The following NT5DC1 variants were observed in gnomAD, a reference collection of about 807,000 sequenced individuals.
The protein encoded by NT5DC1 is 5'-nucleotidase domain containing 1.
A neutral mutation model predicts 59.4 loss-of-function variants in NT5DC1; 42 were observed. The ratio of observed to expected loss-of-function variants is 0.71; its 90% CI spans 0.55 to 0.92. The LOEUF is 0.92. Ranked by LOEUF, NT5DC1 falls within the 40% of genes least tolerant of loss-of-function variation. NT5DC1 has a pLI of 0.00. For synonymous variants in NT5DC1, 172 were observed against 188.1 expected (o/e 0.91, Z 0.70); for missense variants, 501 against 537.1 (o/e 0.93, Z 0.66).
chr6:116,220,565 A>T (rs1032044589), intron 6 of NT5DC1, among the ~76,000 whole-genome samples: 1 of 152,222 alleles, frequency 6.6e-6, no homozygotes, highest in African/African-American at 2.4e-5. Flanking sequence ...CCTAGTATAG[A>T]TTCCATCTGA....
At chr6:116,154,637 G>T (rs1385949900) in intron 6 of NT5DC1, among the ~76,000 whole-genome samples, 1 of 149,410 alleles carries the variant, frequency 6.7e-6, no homozygotes, top group Non-Finnish European at 1.5e-5. Context: ...TGTTTATTTG[G>T]TAAACTTACA....
chr6:116,151,168 G>A (rs1350575984), intron 6 of NT5DC1, among the ~76,000 whole-genome samples: 1 of 152,038 alleles, frequency 6.6e-6, no homozygotes, highest in Non-Finnish European at 1.5e-5. Flanking sequence ...CAGCTATCTA[G>A]CCCATATTCC....
chr6:116,229,738 G>C (rs1010584190), intron 8 of NT5DC1, among the ~76,000 whole-genome samples: 10 of 152,116 alleles, frequency 6.6e-5, no homozygotes, highest in African/African-American at 2.2e-4. Context: ...TGCTAGCTCA[G>C]TTCCTGCCCC....
At chr6:116,240,504 C>G (rs928949862) in intron 11 of NT5DC1, among the ~76,000 whole-genome samples, 18 of 151,944 alleles carry the variant, frequency 1.2e-4, no homozygotes, top group Non-Finnish European at 8.8e-5. Flanking sequence ...CACAGGGGTC[C>G]CCTGCAGTTA....
chr6:116,164,345 CTTT>C (rs1780415244), intron 6 of NT5DC1, among the ~76,000 whole-genome samples: 1 of 152,066 alleles, frequency 6.6e-6, no homozygotes, highest in African/African-American at 2.4e-5. Flanking sequence ...TCATACCCTT[CTTT>C]GTCTTTTTTT....
chr6:116,206,105 A>G (rs1461000912), intron 6 of NT5DC1, among the ~76,000 whole-genome samples: 1 of 151,942 alleles, frequency 6.6e-6, no homozygotes, highest in Admixed American at 6.6e-5. Context: ...TTTTCATAGC[A>G]TATGTTTCAA....
intron 6 of NT5DC1, among the ~76,000 whole-genome samples, chr6:116,213,939 C>G (rs1369386031): frequency 1.3e-5 from 2 of 152,086 alleles, no homozygotes; most frequent in African/African-American, 4.8e-5. Context: ...TGGGATATCT[C>G]TGTGTTGCCT....
intron 6 of NT5DC1, among the ~76,000 whole-genome samples, chr6:116,159,682 A>G (rs1780283651): frequency 6.6e-6 from 1 of 152,330 alleles, no homozygotes; most frequent in African/African-American, 2.4e-5. Flanking sequence ...TAACGTGGGT[A>G]TATTGCATAA....
Position 116,178,086 on chromosome 6 carries a change from T to C in NT5DC1, c.530-42968T>C, listed in dbSNP as rs1340622821. Among the ~76,000 whole-genome samples the C allele has an allele frequency of 3.8e-3, 293 of 77,576 alleles. 2 individuals are homozygous for C. The highest frequency in any genetic ancestry group is 0.016 in the African/African-American group (271 of 16,946). The allele number at this position is 77,576 out of a possible 152,430, so 50.9% of individuals were successfully genotyped here. ...GTGTGTGTGTGTGTGTGTGTGTGTG[T>C]GTGCGCGCGCGCGCGCGTGCGTGCG... On this transcript the variant is annotated intron_variant, in intron 6 of 11. Coordinates refer to ENST00000319550, the MANE Select transcript of NT5DC1 (RefSeq NM_152729.3).
chr6:116,156,368 G>A (rs1361264062), intron 6 of NT5DC1, among the ~76,000 whole-genome samples: 1 of 152,054 alleles, frequency 6.6e-6, no homozygotes, highest in Non-Finnish European at 1.5e-5. Flanking sequence ...TTATTAGTTA[G>A]TTTGCTGGTT....
At chr6:116,146,547 A>G (rs1779901461) in intron 6 of NT5DC1, among the ~76,000 whole-genome samples, 1 of 152,196 alleles carries the variant, frequency 6.6e-6, no homozygotes, top group Non-Finnish European at 1.5e-5. Context: ...AGTATGTGCC[A>G]GGGGGAAGAG....
Position 116,123,417 on chromosome 6 carries a change from A to G in NT5DC1, c.529+5472A>G, listed in dbSNP as rs1007742739. On this transcript the variant is annotated intron_variant, in intron 6 of 11. Transcript: ENST00000319550. ...CTTCATTCAAGATTAGGGTGGCACA[A>G]TCCTCAAGGTAAAACGACTACTTCC... Among the ~76,000 whole-genome samples, 14 of 152,352 alleles carry G rather than the reference A, an allele frequency of 9.2e-5. 1 individual carries two copies. The highest frequency in any genetic ancestry group is 4.6e-4 in the Admixed American group (7 of 15,308).
At chr6:116,154,685 G>T (rs57462936) in intron 6 of NT5DC1, among the ~76,000 whole-genome samples, 2 of 152,110 alleles carry the variant, frequency 1.3e-5, no homozygotes, top group Admixed American at 6.6e-5. Context: ...TTCTCCCTGA[G>T]AAATATTTGG....
At chr6:116,116,234 A>G (rs1245905515) in intron 5 of NT5DC1, among the ~76,000 whole-genome samples, 1 of 152,252 alleles carries the variant, frequency 6.6e-6, no homozygotes, top group African/African-American at 2.4e-5. Flanking sequence ...TGTACTGTAT[A>G]TCAAGATTAA....
At chr6:116,197,516 C>T (rs1303823461) in intron 6 of NT5DC1, among the ~76,000 whole-genome samples, 4 of 151,990 alleles carry the variant, frequency 2.6e-5, no homozygotes, top group African/African-American at 9.7e-5. Context: ...TAAGAACAAA[C>T]AGCCAGGTAC....
chr6:116,173,057 G>A (rs1780647514), intron 6 of NT5DC1, among the ~76,000 whole-genome samples: 1 of 152,148 alleles, frequency 6.6e-6, no homozygotes, highest in East Asian at 1.9e-4. Flanking sequence ...CTATGGAATT[G>A]TCATTTTTAT....
At chr6:116,129,241 C>T (rs560723773) in intron 6 of NT5DC1, among the ~76,000 whole-genome samples, 1 of 152,156 alleles carries the variant, frequency 6.6e-6, no homozygotes, top group Non-Finnish European at 1.5e-5. Context: ...TATGTATACA[C>T]ATGTCTATAT....
chr6:116,165,276 T>C (rs1441870814), intron 6 of NT5DC1, among the ~76,000 whole-genome samples: 2 of 152,150 alleles, frequency 1.3e-5, no homozygotes, highest in African/African-American at 4.8e-5. Flanking sequence ...ATTTTTTCTT[T>C]AGCATTGACC....
intron 6 of NT5DC1, among the ~76,000 whole-genome samples, chr6:116,161,216 A>G (rs1252774103): frequency 6.8e-6 from 1 of 147,842 alleles, no homozygotes; most frequent in Non-Finnish European, 1.5e-5. Context: ...GGGGAGGGAT[A>G]GCATTGGGAG....
Sources: allele counts gnomAD v4.1 joint callset (sites outside exome capture counted in the v4.1 genomes callset), GRCh38; gene constraint gnomAD v4.1.1; transcripts MANE v1.5; gene names NCBI Gene and HGNC (gene_info 2026-07-23, HGNC 2026-07-21).